Variants in RALGPS1 observed in about 807,000 individuals in gnomAD.
The protein encoded by RALGPS1 is Ral GEF with PH domain and SH3 binding motif 1, also known as ras-specific guanine nucleotide-releasing factor RalGPS1.
In RALGPS1, 19 loss-of-function variants were observed where a neutral mutation model predicts 78.8. The ratio of observed to expected loss-of-function variants is 0.24; its 90% confidence interval spans 0.17 to 0.35. The LOEUF (loss-of-function observed/expected upper bound fraction) is 0.35, where lower values mean the gene tolerates loss of function less well. Ranked by LOEUF, RALGPS1 falls within the 10% of genes least tolerant of loss-of-function variation. The probability of loss-of-function intolerance (pLI) is 1.00; values close to 1 mark genes in which losing one functional copy is unlikely to be tolerated. For synonymous variants in RALGPS1, 228 were observed against 256.3 expected (o/e 0.89, Z 1.06); for missense variants, 454 against 688.3 (o/e 0.66, Z 3.81).
At position 127,208,056 on chromosome 9, in the gene RALGPS1, T is replaced by G. The variant is rs577924946; in HGVS notation, c.1248-4075T>G. 2.0e-3 allele frequency among the ~76,000 whole-genome samples: 304 copies of G among 152,222 alleles called. 2 individuals carry two copies. The highest frequency in any genetic ancestry group is 7.0e-3 in the African/African-American group (291 of 41,536). Reference sequence around the variant, plus strand: ...TCTAAAACTGTGAGAACCGGGCCCCTCTCACAGAGCTGGGCATGCTCTTGT... The same window carrying G: ...TCTAAAACTGTGAGAACCGGGCCCCGCTCACAGAGCTGGGCATGCTCTTGT... On this transcript the variant is annotated intron_variant, in intron 14 of 18. Coordinates refer to ENST00000259351, the MANE Select transcript of RALGPS1 (RefSeq NM_014636.3).
At chr9:127,107,237 C>T (rs907583005) in intron 8 of RALGPS1, 1 of 152,206 alleles carries the variant, frequency 6.6e-6, no homozygotes, top group Non-Finnish European at 1.5e-5. Flanking sequence ...AATTATGTAA[C>T]ATACATGGAA....
Position 127,212,145 on chromosome 9 carries a change from G to A in RALGPS1, c.1262G>A (p.Cys421Tyr). 6.2e-7 allele frequency: 1 copy of A among 1,613,214 alleles called. No individual in the cohort carries two copies. The highest frequency in any genetic ancestry group is 1.1e-5 in the South Asian group (1 of 90,974). The part of the protein sequence containing the change: ...SSGLESPTGP[C>Y]ICSLGNSAAV... ...TCTCTCCTCAGCCCCACCGGCCCGT[G>A]CATCTGTTCTCTGGGGAACTCCGCA... Residue 421 changes from cysteine (C) to tyrosine (Y), a missense_variant, in exon 15 of 19, where the codon TGC (cysteine) becomes TAC (tyrosine). Transcript: ENST00000259351. The surrounding 1 kb of genome is among the most constrained non-coding windows in gnomAD (Gnocchi z 6.0).
chr9:127,058,989 AG>A (rs2048975657), intron 7 of RALGPS1, among the ~76,000 whole-genome samples: 1 of 152,106 alleles, frequency 6.6e-6, no homozygotes, highest in Admixed American at 6.5e-5. Context: ...GTGACCTGGG[AG>A]GGGAACTATC....
At chr9:127,102,388 A>G (rs1289072021) in intron 8 of RALGPS1, among the ~76,000 whole-genome samples, 5 of 152,098 alleles carry the variant, frequency 3.3e-5, no homozygotes, top group Admixed American at 6.6e-5. Flanking sequence ...GATTAATACT[A>G]TACAAGTTCA....
At chr9:127,180,160 C>A (rs1393085652) in intron 11 of RALGPS1, among the ~76,000 whole-genome samples, 1 of 152,202 alleles carries the variant, frequency 6.6e-6, no homozygotes, top group Non-Finnish European at 1.5e-5. Flanking sequence ...AGAAAAAAAT[C>A]ATAAAGAACG....
At chr9:127,025,747 A>G (rs1454842715) in intron 4 of RALGPS1, among the ~76,000 whole-genome samples, 1 of 150,900 alleles carries the variant, frequency 6.6e-6, no homozygotes, top group East Asian at 1.9e-4. Context: ...GCTGGAGTGT[A>G]GTGGTATGAT....
intron 5 of RALGPS1, among the ~76,000 whole-genome samples, chr9:127,046,145 A>G (rs1375360393): frequency 1.3e-5 from 2 of 152,248 alleles, no homozygotes; most frequent in African/African-American, 4.8e-5. Context: ...ATTGTAACCC[A>G]AAGTATAAAA....
chr9:126,972,932 C>T (rs553773985), intron 3 of RALGPS1, among the ~76,000 whole-genome samples: 76 of 151,920 alleles, frequency 5.0e-4, no homozygotes, highest in Non-Finnish European at 6.5e-4. Context: ...CATGGTGGCG[C>T]ACACGTGTAG....
intron 4 of RALGPS1, among the ~76,000 whole-genome samples, chr9:127,000,618 G>A (rs1347032228): frequency 7.7e-6 from 1 of 129,596 alleles, no homozygotes; most frequent in African/African-American, 2.8e-5. Context: ...GTACTATCTC[G>A]GCTCACTGCA....
At chr9:126,945,387 A>T (rs2037163921) in intron 1 of RALGPS1, among the ~76,000 whole-genome samples, 1 of 151,894 alleles carries the variant, frequency 6.6e-6, no homozygotes, top group Non-Finnish European at 1.5e-5. Context: ...TTTAGTAGAG[A>T]CGGGGTTTCG....
At chr9:127,112,136 C>T (rs2137260132) in intron 8 of RALGPS1, among the ~76,000 whole-genome samples, 1 of 152,336 alleles carries the variant, frequency 6.6e-6, no homozygotes, top group African/African-American at 2.4e-5. Context: ...AAGCATGATT[C>T]CTATGGCCTG....
intron 5 of RALGPS1, among the ~76,000 whole-genome samples, chr9:127,047,485 G>A (rs959015046): frequency 1.1e-4 from 17 of 152,228 alleles, no homozygotes; most frequent in African/African-American, 4.1e-4. Flanking sequence ...GATCACCTGA[G>A]GTCAGGAGTT....
At chr9:126,931,081 T>C (rs2035747299) in intron 1 of RALGPS1, among the ~76,000 whole-genome samples, 1 of 152,230 alleles carries the variant, frequency 6.6e-6, no homozygotes. Flanking sequence ...CCCAGGTTCC[T>C]TCTAAGTCCA....
chr9:127,109,024 C>T lies in RALGPS1; in HGVS notation c.610+39668C>T, dbSNP rs77370425. ...TCTCAGGGCATCTGAAGGCAGGAGG[C>T]CATGGCCCTGCTACTCCCAGAGCCA... is the stretch of plus-strand genomic sequence containing the variant. On this transcript the variant is annotated intron_variant, in intron 8 of 18. Coordinates refer to ENST00000259351, the MANE Select transcript of RALGPS1 (RefSeq NM_014636.3). Among the ~76,000 whole-genome samples, 615 of 152,320 alleles carry T rather than the reference C, an allele frequency of 4.0e-3. 8 individuals are homozygous for T. The highest frequency in any genetic ancestry group is 0.028 in the East Asian group (145 of 5,168).
At chr9:127,117,196 A>G (rs1345275261) in intron 8 of RALGPS1, among the ~76,000 whole-genome samples, 1 of 152,208 alleles carries the variant, frequency 6.6e-6, no homozygotes, top group Non-Finnish European at 1.5e-5. Context: ...CCATCCATTC[A>G]GTGAGGTCTT....
chr9:126,920,234 G>A (rs565972272), intron 1 of RALGPS1, among the ~76,000 whole-genome samples: 3 of 152,156 alleles, frequency 2.0e-5, no homozygotes, highest in Admixed American at 6.5e-5. Flanking sequence ...TTATTTATAC[G>A]TCACCAGGTC....
At chr9:127,069,462 G>T (rs183680742) in intron 8 of RALGPS1, 106 bp downstream of exon 8, 1 of 1,335,254 alleles carries the variant, frequency 7.5e-7, no homozygotes, top group South Asian at 1.4e-5. Context: ...GACATGGCCC[G>T]TAGATAAAGA....
chr9:127,032,442 A>G (rs891601940), intron 4 of RALGPS1, among the ~76,000 whole-genome samples: 1 of 152,186 alleles, frequency 6.6e-6, no homozygotes, highest in Non-Finnish European at 1.5e-5. Flanking sequence ...AAAGGGAGCA[A>G]TTATCAGCTA....
intron 8 of RALGPS1, among the ~76,000 whole-genome samples, chr9:127,086,915 G>A (rs1196796638): frequency 6.6e-6 from 1 of 152,194 alleles, no homozygotes; most frequent in Non-Finnish European, 1.5e-5. Context: ...AAGATCCTAC[G>A]CTAATGCAGG....
Sources: allele counts gnomAD v4.1 joint callset (sites outside exome capture counted in the v4.1 genomes callset), GRCh38; gene constraint gnomAD v4.1.1; non-coding constraint Gnocchi (gnomAD v3.1); transcripts MANE v1.5; gene names NCBI Gene and HGNC (gene_info 2026-07-23, HGNC 2026-07-21).